Variants in GPHN observed in about 807,000 individuals in gnomAD.
GPHN encodes the protein gephyrin.
A neutral mutation model predicts 95.5 loss-of-function variants in GPHN; 17 were observed. The ratio of observed to expected loss-of-function variants is 0.18; its 90% confidence interval spans 0.12 to 0.27. The LOEUF is 0.27. Among genes scored for constraint, GPHN ranks in the 10% least tolerant of loss-of-function variants. The pLI is 1.00. For missense variants in GPHN, 660 were observed against 978.1 expected (o/e 0.67, Z 4.34); for synonymous variants, 320 against 322.5 (o/e 0.99, Z 0.08).
At chr14:67,411,136 C>CAAAA in the GPHN span, among the ~76,000 whole-genome samples, 1 of 52,054 alleles carries the variant, frequency 1.9e-5, no homozygotes, top group African/African-American at 7.1e-5. Flanking sequence ...GACCCTGTCT[C>CAAAA]AAAAAAAAAA....
intron 4 of GPHN, among the ~76,000 whole-genome samples, chr14:66,864,186 T>A (rs1003920687): frequency 6.6e-6 from 1 of 152,134 alleles, no homozygotes; most frequent in African/African-American, 2.4e-5. Flanking sequence ...AAAGAAGATG[T>A]ACAAATGGCA....
In GPHN at chr14:66,922,752, T is replaced by A; in HGVS notation, c.543T>A (p.Asp181Glu). Residue 181 changes from aspartate to glutamate, a missense_variant, in exon 7 of 23, where the codon GAT becomes GAA. This residue lies in a region of GPHN where 190 missense variants were observed against 224.7 expected (regional missense o/e 0.85). Coordinates refer to ENST00000478722, the MANE Select transcript of GPHN (RefSeq NM_020806.5). ...DAIVKVKEVH[D>E]ELEDLPSPPP... ...TTGTAAAAGTAAAGGAGGTGCATGA[T>A]GAACTTGAAGATTTGCCTTCCCCAC... is the stretch of plus-strand genomic sequence containing the variant. 6.2e-7 allele frequency: 1 copy of A among 1,613,770 alleles called. No homozygotes were observed. The highest frequency in any genetic ancestry group is 8.5e-7 in the Non-Finnish European group (1 of 1,179,696).
chr14:67,363,832 A>G, the GPHN span, among the ~76,000 whole-genome samples: 1 of 152,164 alleles, frequency 6.6e-6, no homozygotes, highest in African/African-American at 2.4e-5. Flanking sequence ...TTCTGTTACT[A>G]CCTACGTTTT....
the GPHN span, chr14:67,199,370 A>G: frequency 1.9e-6 from 3 of 1,614,020 alleles, no homozygotes; most frequent in Admixed American, 3.3e-5. Context: ...CAACATTTTC[A>G]ATGGGAACCT....
intron 2 of GPHN, among the ~76,000 whole-genome samples, chr14:66,690,774 T>G (rs2067714772): frequency 6.6e-6 from 1 of 152,208 alleles, no homozygotes; most frequent in African/African-American, 2.4e-5. Flanking sequence ...TTTGTTTCTT[T>G]TTAGTTGTTT....
At chr14:66,574,075 A>T (rs1264317354) in intron 1 of GPHN, among the ~76,000 whole-genome samples, 1 of 152,048 alleles carries the variant, frequency 6.6e-6, no homozygotes. Context: ...TAGTTTGTAG[A>T]TTCTTTGTTT....
chr14:66,943,496 T>C (rs376807451), intron 8 of GPHN, among the ~76,000 whole-genome samples: 4 of 152,154 alleles, frequency 2.6e-5, no homozygotes, highest in Non-Finnish European at 5.9e-5. Context: ...CAAAAAGCAG[T>C]TTATAAACTT....
chr14:67,227,079 CAGAG>C, the GPHN span, among the ~76,000 whole-genome samples: 1 of 152,186 alleles, frequency 6.6e-6, no homozygotes, highest in Non-Finnish European at 1.5e-5. Context: ...GTCTCATTAA[CAGAG>C]AGCTGCAAAT....
chr14:66,818,404 C>T lies in GPHN; in HGVS notation c.202-6070C>T, dbSNP rs116232827. On this transcript the variant is annotated intron_variant, in intron 3 of 22. Transcript: ENST00000478722. ...TGCTGAGGATAATGGGATCCAGCTC[C>T]ATCCGTGTCCCTGCAAAGAACATGA... is the stretch of plus-strand genomic sequence containing the variant. Among the ~76,000 whole-genome samples the T allele has an allele frequency of 3.0e-3, 458 of 152,234 alleles. 3 individuals are homozygous for T. The highest frequency in any genetic ancestry group is 0.011 in the African/African-American group (439 of 41,552).
chr14:67,349,601 G>T, the GPHN span, among the ~76,000 whole-genome samples: 9 of 152,200 alleles, frequency 5.9e-5, no homozygotes, highest in Non-Finnish European at 1.3e-4. Flanking sequence ...TTGGGAGGCC[G>T]AGGCAGGAGG....
rs552742930 is a variant in GPHN at position 66,920,645 on chromosome 14, T to C, written c.457-2021T>C. On this transcript the variant is annotated intron_variant, in intron 6 of 22. Transcript: ENST00000478722. Reference sequence around the variant, plus strand: ...GGGGTACAGGTGGTATTTGCTTACATGAGTAAGTTCTTTAGTGGTGATTTG... The same window carrying C: ...GGGGTACAGGTGGTATTTGCTTACACGAGTAAGTTCTTTAGTGGTGATTTG... Among the ~76,000 whole-genome samples the C allele has an allele frequency of 5.9e-5, 9 of 151,812 alleles. No individual in the cohort carries two copies. The South Asian group carries it at 1.9e-3, about 32-fold the overall frequency.
chr14:67,690,224 G>C, the GPHN span: 1 of 1,613,200 alleles, frequency 6.2e-7, no homozygotes, highest in Non-Finnish European at 8.5e-7. Flanking sequence ...TTTAGTCTCC[G>C]GGCCAGTTCC....
intron 17 of GPHN, among the ~76,000 whole-genome samples, chr14:67,129,636 G>T (rs770391933): frequency 2.0e-5 from 3 of 152,034 alleles, no homozygotes; most frequent in African/African-American, 2.4e-5. Flanking sequence ...CCTACATTTT[G>T]TTTTCTCCAA....
chr14:67,302,477 A>C, the GPHN span: 1 of 1,600,176 alleles, frequency 6.2e-7, no homozygotes, highest in East Asian at 2.3e-5. Context: ...GGTGCTGCAG[A>C]GAAAAGTGGT....
In GPHN at chr14:67,181,231, T is replaced by C; in HGVS notation, c.*294T>C. The C allele has an allele frequency of 4.2e-6, 2 of 481,240 alleles. No homozygotes were observed. The highest frequency in any genetic ancestry group is 2.1e-5 in the South Asian group (1 of 46,764). 29.8% of individuals were successfully genotyped at this position (481,240 alleles called of 1,614,324 possible). On this transcript the variant is annotated 3_prime_UTR_variant, in exon 23 of 23. Transcript: ENST00000478722. ...AGCGATAGCTTTTAGTAGACAGCGG[T>C]AGGTGCCTGCAGAACTTGTGTTTTT...
the GPHN span, among the ~76,000 whole-genome samples, chr14:67,250,900 T>C: frequency 1.3e-5 from 2 of 152,236 alleles, no homozygotes; most frequent in Non-Finnish European, 2.9e-5. Context: ...TCCCCTCTTA[T>C]CCAGAATTGT....
At chr14:67,410,943 C>G in the GPHN span, among the ~76,000 whole-genome samples, 1 of 152,024 alleles carries the variant, frequency 6.6e-6, no homozygotes, top group South Asian at 2.1e-4. Flanking sequence ...CCCGGGAGTT[C>G]AAGACCTGCC....
chr14:67,651,128 T>C, the GPHN span: 1 of 899,874 alleles, frequency 1.1e-6, no homozygotes, highest in Non-Finnish European at 1.7e-6. Context: ...AGGGTATTAA[T>C]ATGCTACAGT....
chr14:67,294,197 C>T, the GPHN span, among the ~76,000 whole-genome samples: 1 of 152,146 alleles, frequency 6.6e-6, no homozygotes, highest in Non-Finnish European at 1.5e-5. Context: ...TGAAAGTTTG[C>T]TTTCACGTCC....
Sources: gnomAD v4.1 joint callset for allele counts (sites outside exome capture counted in the v4.1 genomes callset) on GRCh38, gnomAD v4.1.1 for gene constraint, gnomAD v4.1.1 regional missense constraint, MANE v1.5 for transcripts, NCBI Gene and HGNC (gene_info 2026-07-23, HGNC 2026-07-21) for gene names.